IGSF10: variants seen among roughly 807,000 people sequenced by gnomAD.
The protein encoded by IGSF10 is immunoglobulin superfamily member 10.
A neutral mutation model predicts 128.2 loss-of-function variants in IGSF10; 126 were observed. That is an observed-to-expected ratio of 0.98 (90% CI 0.85 to 1.14). The LOEUF (loss-of-function observed/expected upper bound fraction) is 1.14. IGSF10 is among the 50% of genes most tolerant of loss of function. The pLI is 0.00. For synonymous variants in IGSF10, 1,185 were observed against 1,146.2 expected (o/e 1.03, Z -0.68); for missense variants, 3,295 against 3,149.8 (o/e 1.05, Z -1.10).
chr3:151,557,911 TTTTC>T, the IGSF10 span, among the ~76,000 whole-genome samples: 1 of 146,184 alleles, frequency 6.8e-6, no homozygotes, highest in South Asian at 2.2e-4. Flanking sequence ...GGGGTATAGT[TTTTC>T]TTTCTTATTA....
intron 7 of IGSF10, among the ~76,000 whole-genome samples, chr3:151,442,541 C>T (rs1307568288): frequency 1.5e-5 from 1 of 66,434 alleles, no homozygotes; most frequent in Non-Finnish European, 2.8e-5. Flanking sequence ...CCACCATGCC[C>T]GGCTAATTTT....
the IGSF10 span, among the ~76,000 whole-genome samples, chr3:151,602,723 A>T: frequency 2.0e-5 from 3 of 152,006 alleles, no homozygotes; most frequent in Admixed American, 2.0e-4. Flanking sequence ...CTCTCCATGC[A>T]CCTTCATACT....
Position 151,446,903 on chromosome 3 carries a change from A to C in IGSF10, c.3078T>G (p.Tyr1026Ter). 6.2e-7 allele frequency: 1 copy of C among 1,614,194 alleles called. No individual in the cohort carries two copies. Among genetic ancestry groups the C allele is most frequent in the Non-Finnish European group, 8.5e-7 (1 of 1,180,018 alleles). The change falls in exon 6 of 8, where the codon TAT (tyrosine) becomes TAG (stop). Residue 1026 changes from tyrosine (Y) to a stop codon, truncating the protein, a stop_gained. Transcript: ENST00000282466. LOFTEE classifies it high-confidence loss of function. ...IGGRGRIISPYRTPVLRRHRY... is the reference protein window; with the variant it reads ...IGGRGRIISP ...TATGCCGTCGCAGAACTGGAGTTCT[A>C]TATGGGCTGATAATCCGCCCCCTTC...
In IGSF10 at chr3:151,438,477, C is replaced by A. The variant is rs1720588680; in HGVS notation, c.6084G>T (p.Leu2028=). The change falls in exon 8 of 8, where the codon CTG becomes CTT. Residue 2028 remains leucine, a synonymous_variant. Coordinates refer to ENST00000282466, the MANE Select transcript of IGSF10 (RefSeq NM_178822.5). ...ARNKMGDDLI[L]MHVSLRLKPA... is the part of the protein sequence containing the mutation. Reference sequence around the variant, plus strand: ...GTTTCAGTCTTAGGCTAACATGCATCAGTATCAGATCATCCCCCATTTTGT... The same window carrying A: ...GTTTCAGTCTTAGGCTAACATGCATAAGTATCAGATCATCCCCCATTTTGT... 6.2e-7 allele frequency: 1 copy of A among 1,614,012 alleles called. No individual in the cohort carries two copies. Among genetic ancestry groups the A allele is most frequent in the African/African-American group, 1.3e-5 (1 of 74,898 alleles).
At chr3:151,525,409 T>G in the IGSF10 span, among the ~76,000 whole-genome samples, 1 of 152,184 alleles carries the variant, frequency 6.6e-6, no homozygotes, top group Non-Finnish European at 1.5e-5. Flanking sequence ...CCAAGTTTCC[T>G]AACTGTATTA....
the IGSF10 span, among the ~76,000 whole-genome samples, chr3:151,617,397 CTT>C: frequency 7.4e-6 from 1 of 135,846 alleles, no homozygotes. Context: ...TCTTCATCTT[CTT>C]TTTTTTTTGT....
intron 2 of IGSF10, 124 bp from the exon 3 acceptor site, chr3:151,458,834 T>C (rs1273804000): frequency 2.8e-6 from 2 of 721,936 alleles, no homozygotes; most frequent in South Asian, 1.9e-5. Flanking sequence ...ATTCCATTCC[T>C]ACCCTTTGTG....
intron 7 of IGSF10, 99 bp downstream of exon 7, chr3:151,442,884 TA>T: frequency 9.3e-7 from 1 of 1,071,474 alleles, no homozygotes; most frequent in Non-Finnish European, 1.3e-6. Context: ...ATGTGTACTC[TA>T]AAACTGCTGC....
At chr3:151,514,971 G>T in the IGSF10 span, among the ~76,000 whole-genome samples, 2 of 152,138 alleles carry the variant, frequency 1.3e-5, no homozygotes, top group Non-Finnish European at 2.9e-5. Context: ...GGAAACAACA[G>T]GTGCTGGAGA....
At chr3:151,565,123 C>G in the IGSF10 span, among the ~76,000 whole-genome samples, 2 of 152,132 alleles carry the variant, frequency 1.3e-5, no homozygotes, top group South Asian at 4.1e-4. Context: ...TGAAAGAACT[C>G]TCTAGTACTG....
At chr3:151,589,117 T>G in the IGSF10 span, among the ~76,000 whole-genome samples, 6 of 152,154 alleles carry the variant, frequency 3.9e-5, no homozygotes, top group African/African-American at 7.2e-5. Context: ...TAAGTAAAAA[T>G]TTTTGCTAAA....
In IGSF10 at chr3:151,446,028, A is replaced by T. The variant is rs758228601; in HGVS notation, c.3953T>A (p.Ile1318Lys). The T allele has an allele frequency of 5.6e-6, 9 of 1,614,052 alleles. No homozygotes were observed. The highest frequency in any genetic ancestry group is 6.8e-6 in the Non-Finnish European group (8 of 1,179,994). ...TKSIISTQTA[I>K]PATTPTFPAS... is the part of the protein sequence containing the mutation. ...AGGGAAGGTAGGAGTTGTTGCTGGT[A>T]TTGCTGTTTGCGTTGATATGATGCT... The change falls in exon 6 of 8, where the codon ATA becomes AAA. Residue 1318 changes from isoleucine to lysine, a missense_variant. Ile to Lys is a moderately radical substitution (Grantham distance 102, BLOSUM62 -3). Coordinates refer to ENST00000282466, the MANE Select transcript of IGSF10 (RefSeq NM_178822.5).
the IGSF10 span, among the ~76,000 whole-genome samples, chr3:151,467,756 C>T: frequency 4.0e-5 from 6 of 151,728 alleles, no homozygotes; most frequent in Non-Finnish European, 7.4e-5. Context: ...AGGTGGCGGG[C>T]ACCTGTAGTC....
the IGSF10 span, among the ~76,000 whole-genome samples, chr3:151,547,352 G>A: frequency 6.6e-6 from 1 of 151,526 alleles, no homozygotes; most frequent in African/African-American, 2.4e-5. Context: ...GCACAATTAT[G>A]TTCTTCCTGA....
At chr3:151,525,002 C>T in the IGSF10 span, among the ~76,000 whole-genome samples, 10 of 49,692 alleles carry the variant, frequency 2.0e-4, no homozygotes, top group African/African-American at 4.0e-4. Context: ...TGCATTACAC[C>T]TTTTTTTTTT....
chr3:151,509,865 G>C, the IGSF10 span, among the ~76,000 whole-genome samples: 45,357 of 152,154 alleles, frequency 0.3, 7,496 homozygotes, highest in Middle Eastern at 0.42. Flanking sequence ...CACCCACAGA[G>C]CCTCCCTCAT....
At chr3:151,457,863 CTG>C (rs1265387612) in intron 3 of IGSF10, among the ~76,000 whole-genome samples, 2 of 152,096 alleles carry the variant, frequency 1.3e-5, no homozygotes, top group African/African-American at 4.8e-5. Context: ...GTACATTTGT[CTG>C]GTCTTTTTAA....
the IGSF10 span, among the ~76,000 whole-genome samples, chr3:151,584,211 C>A: frequency 1.3e-5 from 2 of 152,252 alleles, no homozygotes; most frequent in South Asian, 4.1e-4. Context: ...TTCTTCTCAT[C>A]TTTAGGAATG....
At chr3:151,599,471 A>G in the IGSF10 span, among the ~76,000 whole-genome samples, 32 of 152,300 alleles carry the variant, frequency 2.1e-4, no homozygotes, top group African/African-American at 7.2e-4. Flanking sequence ...GGTTGTCAAG[A>G]TAACAGAGGC....
Sources: allele counts gnomAD v4.1 joint callset (sites outside exome capture counted in the v4.1 genomes callset), GRCh38; gene constraint gnomAD v4.1.1; transcripts MANE v1.5; gene names NCBI Gene and HGNC (gene_info 2026-07-23, HGNC 2026-07-21).